The following DOCK2 variants were observed in gnomAD, a reference collection of about 807,000 sequenced individuals.
DOCK2 encodes dedicator of cytokinesis protein 2.
A neutral mutation model predicts 248.9 loss-of-function variants in DOCK2; 87 were observed. That is an observed-to-expected ratio of 0.35 (90% confidence interval 0.29 to 0.42). DOCK2 has a LOEUF of 0.42. DOCK2 is among the 10% of genes least tolerant of loss of function. DOCK2 has a pLI of 1.00. For synonymous variants in DOCK2, 805 were observed against 821.6 expected, an observed-to-expected ratio of 0.98 and a Z score of 0.35; for missense variants, 1,747 against 2,300.2, an observed-to-expected ratio of 0.76 and a Z score of 4.92.
intron 27 of DOCK2, among the ~76,000 whole-genome samples, chr5:169,970,258 C>CT (rs1229060361): frequency 1.3e-5 from 2 of 152,110 alleles, no homozygotes; most frequent in East Asian, 1.9e-4. Context: ...TGCATTCCAT[C>CT]TTTTTTTTGA....
intron 27 of DOCK2, among the ~76,000 whole-genome samples, chr5:169,899,551 A>AATATAAATG (rs1773802921): frequency 1.3e-5 from 2 of 152,192 alleles, no homozygotes; most frequent in Admixed American, 1.3e-4. Flanking sequence ...AATAATGGAG[A>AATATAAATG]ATATAAATGT....
rs535861519 is a variant in DOCK2 at position 169,903,837 on chromosome 5, T to C, written c.2799+62985T>C. Among the ~76,000 whole-genome samples the C allele has an allele frequency of 9.9e-5, 15 of 152,038 alleles. No homozygotes were observed. In the South Asian group the frequency reaches 3.1e-3, roughly 32 times the overall value. On this transcript the variant is annotated intron_variant, in intron 27 of 51. Transcript: ENST00000520908. Reference sequence around the variant, plus strand: ...AGGAGAAACTGGGCGGAGTGGCTCATGCCTGTAATCCCAGCACTTTGGGAG... The same window carrying C: ...AGGAGAAACTGGGCGGAGTGGCTCACGCCTGTAATCCCAGCACTTTGGGAG...
At chr5:170,049,849 G>A (rs892683237) in intron 40 of DOCK2, among the ~76,000 whole-genome samples, 1 of 152,228 alleles carries the variant, frequency 6.6e-6, no homozygotes, top group Non-Finnish European at 1.5e-5. Flanking sequence ...CCAGAAGCCA[G>A]GTGATGAGGA....
At chr5:169,748,355 G>A (rs775831547) in intron 23 of DOCK2, among the ~76,000 whole-genome samples, 6 of 152,274 alleles carry the variant, frequency 3.9e-5, no homozygotes, top group Middle Eastern at 3.4e-3. Context: ...GACTGTGCAC[G>A]TTAGAATTGT....
intron 23 of DOCK2, 126 bp from the exon 24 acceptor site, chr5:169,759,579 A>C: frequency 4.0e-6 from 4 of 1,010,020 alleles, no homozygotes; most frequent in Non-Finnish European, 5.9e-6. Context: ...GGCTTCCATC[A>C]ATATTGTAAT....
intron 25 of DOCK2, among the ~76,000 whole-genome samples, chr5:169,768,732 C>CAGT (rs1764923768): frequency 6.6e-6 from 1 of 152,212 alleles, no homozygotes; most frequent in African/African-American, 2.4e-5. Context: ...AAGGAAAAGG[C>CAGT]AGTTAGGAGA....
rs78188538 is a variant in DOCK2 at position 169,859,077 on chromosome 5, T to C, written c.2799+18225T>C. On this transcript the variant is annotated intron_variant, in intron 27 of 51. Transcript: ENST00000520908. Reference sequence around the variant, plus strand: ...CATGTGGGGAGACCTGTTGGGGAGGTTCCTGCAGAGGCCAGTTGAGAAATG... The same window carrying C: ...CATGTGGGGAGACCTGTTGGGGAGGCTCCTGCAGAGGCCAGTTGAGAAATG... Among the ~76,000 whole-genome samples, 763 of 151,768 alleles carry C rather than the reference T, an allele frequency of 5.0e-3. 6 individuals are homozygous for C. Among genetic ancestry groups the C allele is most frequent in the African/African-American group, 0.016 (682 of 41,370 alleles).
At chr5:169,931,906 G>A (rs781039081) in intron 27 of DOCK2, among the ~76,000 whole-genome samples, 1 of 152,164 alleles carries the variant, frequency 6.6e-6, no homozygotes, top group African/African-American at 2.4e-5. Context: ...CTGTGGGTCA[G>A]GGAAAATATC....
chr5:169,894,521 G>A (rs887072215), intron 27 of DOCK2, among the ~76,000 whole-genome samples: 1 of 152,158 alleles, frequency 6.6e-6, no homozygotes, highest in African/African-American at 2.4e-5. Flanking sequence ...TCCCACTTCT[G>A]GATCCCTGCC....
intron 30 of DOCK2, chr5:169,998,056 T>C (rs1332436474): frequency 2.2e-6 from 1 of 456,240 alleles, no homozygotes; most frequent in Non-Finnish European, 4.4e-6. Context: ...TTCAAATACT[T>C]CCTCCTTAAA....
chr5:169,709,113 A>G (rs191975902), intron 15 of DOCK2, among the ~76,000 whole-genome samples: 207 of 152,354 alleles, frequency 1.4e-3, no homozygotes, highest in African/African-American at 4.3e-3. Flanking sequence ...TATTCAATTA[A>G]TACAACTCTT....
At chr5:170,031,323 A>G (rs917989631) in intron 34 of DOCK2, among the ~76,000 whole-genome samples, 2 of 152,182 alleles carry the variant, frequency 1.3e-5, no homozygotes, top group Non-Finnish European at 2.9e-5. Flanking sequence ...TTTCATTAGC[A>G]CTGACAGAGA....
intron 25 of DOCK2, among the ~76,000 whole-genome samples, chr5:169,799,970 A>C (rs1373789015): frequency 2.0e-5 from 3 of 152,012 alleles, no homozygotes; most frequent in Non-Finnish European, 4.4e-5. Context: ...ATGCCCAGCT[A>C]ATTTTTAAAT....
chr5:169,915,101 GCC>G (rs1002762084), intron 27 of DOCK2, among the ~76,000 whole-genome samples: 1 of 152,114 alleles, frequency 6.6e-6, no homozygotes, highest in African/African-American at 2.4e-5. Flanking sequence ...TGATGTTGAG[GCC>G]CCACTACTTG....
At chr5:169,884,013 A>T (rs888205495) in intron 27 of DOCK2, 7 of 1,031,432 alleles carry the variant, frequency 6.8e-6, no homozygotes, top group Non-Finnish European at 9.3e-6. Context: ...GCTGGCCAGG[A>T]TGGAGTGGTC....
intron 2 of DOCK2, among the ~76,000 whole-genome samples, chr5:169,665,430 A>G (rs1758665334): frequency 1.5e-5 from 1 of 68,120 alleles, no homozygotes; most frequent in Admixed American, 1.2e-4. Context: ...ATTTATATGT[A>G]TATACACATG....
chr5:169,715,797 C>T (rs35788365), intron 19 of DOCK2, among the ~76,000 whole-genome samples: 1,858 of 152,076 alleles, frequency 0.012, 21 homozygotes, highest in Non-Finnish European at 0.017. Flanking sequence ...AGTAGTCCCC[C>T]GGGGTAATCA....
chr5:169,981,445 C>T (rs1347527154), intron 27 of DOCK2, among the ~76,000 whole-genome samples: 4 of 152,190 alleles, frequency 2.6e-5, no homozygotes, highest in Non-Finnish European at 5.9e-5. Context: ...CACCATTTTT[C>T]CAACAGCCTG....
intron 26 of DOCK2, among the ~76,000 whole-genome samples, chr5:169,809,699 G>A (rs1037959992): frequency 6.6e-6 from 1 of 152,178 alleles, no homozygotes; most frequent in South Asian, 2.1e-4. Context: ...CAGAGTTTAC[G>A]CTTTCAGCTT....
Sources: gnomAD v4.1 joint callset for allele counts (sites outside exome capture counted in the v4.1 genomes callset) on GRCh38, gnomAD v4.1.1 for gene constraint, MANE v1.5 for transcripts, NCBI Gene and HGNC (gene_info 2026-07-23, HGNC 2026-07-21) for gene names.